Variants in PTPRD observed in about 807,000 individuals in gnomAD.
PTPRD encodes protein tyrosine phosphatase receptor type D.
A neutral mutation model predicts 214.5 loss-of-function variants in PTPRD; 34 were observed. The observed-to-expected ratio is 0.16, with a 90% CI of 0.12 to 0.21. The LOEUF is 0.21. PTPRD is among the 10% of genes least tolerant of loss of function. PTPRD has a pLI of 1.00. For synonymous variants in PTPRD, 1,128 were observed against 845.7 expected (o/e 1.33, Z -5.79); for missense variants, 2,545 against 2,398.7 (o/e 1.06, Z -1.27).
At chr9:8,620,516 G>A (rs928809974) in intron 14 of PTPRD, among the ~76,000 whole-genome samples, 1 of 152,104 alleles carries the variant, frequency 6.6e-6, no homozygotes, top group Admixed American at 6.6e-5. Context: ...ATCAGTGATG[G>A]TGGTGGTGGT....
chr9:9,117,115 A>C (rs1194914009), intron 10 of PTPRD, among the ~76,000 whole-genome samples: 2 of 152,158 alleles, frequency 1.3e-5, no homozygotes, highest in African/African-American at 4.8e-5. Context: ...GACACTGAAT[A>C]GAAACTCTGA....
At chr9:9,981,720 AGAAATAGAAGTAATGAT>A (rs2095550583) in intron 4 of PTPRD, among the ~76,000 whole-genome samples, 1 of 152,150 alleles carries the variant, frequency 6.6e-6, no homozygotes, top group Admixed American at 6.5e-5. Context: ...ATGGGGAAAA[AGAAATAGAAGTAATGAT>A]CAGGAATGTG....
intron 7 of PTPRD, among the ~76,000 whole-genome samples, chr9:9,606,554 C>T (rs1046673804): frequency 1.2e-4 from 19 of 152,006 alleles, no homozygotes; most frequent in African/African-American, 4.6e-4. Context: ...ATCTGGCAAT[C>T]TTGGCAGAAA....
At position 10,150,432 on chromosome 9, in the gene PTPRD, G is replaced by T. The variant is rs1194785287; in HGVS notation, c.-544-116642C>A. Among the ~76,000 whole-genome samples the T allele has an allele frequency of 2.0e-5, 3 of 151,948 alleles. No homozygotes were observed. In the East Asian group the frequency reaches 5.8e-4, roughly 29 times the overall value. ...AGAAACAGAAAATCAAACACTGAAT[G>T]TTCTCACTCATAGGTGGGAATTGAA... is the stretch of plus-strand genomic sequence containing the variant. On this transcript the variant is annotated intron_variant, in intron 3 of 45. Coordinates refer to ENST00000381196, the MANE Select transcript of PTPRD (RefSeq NM_002839.4).
intron 3 of PTPRD, among the ~76,000 whole-genome samples, chr9:10,118,924 G>C (rs551429395): frequency 1.4e-5 from 2 of 146,690 alleles, no homozygotes; most frequent in South Asian, 2.3e-4. Flanking sequence ...TGAAGGAAGA[G>C]GGCATATTTA....
intron 11 of PTPRD, among the ~76,000 whole-genome samples, chr9:8,832,119 T>C (rs1418356640): frequency 6.6e-6 from 1 of 151,886 alleles, no homozygotes; most frequent in East Asian, 1.9e-4. Context: ...TGTGTGTGTG[T>C]GTGTGTGTGT....
intron 18 of PTPRD, among the ~76,000 whole-genome samples, chr9:8,524,084 A>G (rs971565741): frequency 1.3e-5 from 2 of 152,076 alleles, no homozygotes; most frequent in African/African-American, 2.4e-5. Context: ...ACTGGATAAA[A>G]AAAACTACAG....
intron 3 of PTPRD, among the ~76,000 whole-genome samples, chr9:10,297,959 C>T (rs190793555): frequency 2.2e-4 from 33 of 152,118 alleles, no homozygotes; most frequent in Admixed American, 3.3e-4. Flanking sequence ...TAAAGCAACA[C>T]GTCTAAGGAA....
chr9:10,271,218 A>G (rs2094400111), intron 3 of PTPRD, among the ~76,000 whole-genome samples: 1 of 152,190 alleles, frequency 6.6e-6, no homozygotes, highest in Non-Finnish European at 1.5e-5. Flanking sequence ...AATATTTACT[A>G]TTTTAAATTC....
intron 44 of PTPRD, among the ~76,000 whole-genome samples, chr9:8,324,347 G>A (rs78149957): frequency 6.6e-5 from 10 of 152,004 alleles, no homozygotes; most frequent in South Asian, 2.1e-4. Flanking sequence ...GAGAATATGC[G>A]GCGTTTGATT....
At chr9:10,275,859 G>A (rs1011196449) in intron 3 of PTPRD, among the ~76,000 whole-genome samples, 1 of 152,144 alleles carries the variant, frequency 6.6e-6, no homozygotes, top group Non-Finnish European at 1.5e-5. Context: ...ATCCCTGAGG[G>A]ACATGAAATG....
chr9:8,567,722 T>C (rs1401626944), intron 14 of PTPRD, among the ~76,000 whole-genome samples: 1 of 152,238 alleles, frequency 6.6e-6, no homozygotes, highest in African/African-American at 2.4e-5. Context: ...CCTCAATGAA[T>C]GAATGAATCA....
intron 12 of PTPRD, among the ~76,000 whole-genome samples, chr9:8,678,308 A>G (rs1035696078): frequency 6.6e-6 from 1 of 152,262 alleles, no homozygotes; most frequent in African/African-American, 2.4e-5. Context: ...AATGTCAACT[A>G]TTTGACCTTT....
At position 9,106,635 on chromosome 9, in the gene PTPRD, A is replaced by AAG. The variant is rs1554793219; in HGVS notation, c.-143+76668_-143+76669insCT. Among the ~76,000 whole-genome samples, 880 of 145,314 alleles carry AAG rather than the reference A, an allele frequency of 6.1e-3. 3 individuals are homozygous for AAG. Among genetic ancestry groups the AAG allele is most frequent in the South Asian group, 0.016 (72 of 4,464 alleles). The stretch of plus-strand genomic sequence containing the variant: ...GGCAAAAAAAAAAAAAAAAAAAAAA[A>AAG]GGTTTCATCTGCAGGCTCCTACCTA... On this transcript the variant is annotated intron_variant, in intron 10 of 45. Transcript: ENST00000381196.
intron 3 of PTPRD, among the ~76,000 whole-genome samples, chr9:10,057,091 C>A (rs1252608971): frequency 1.3e-5 from 2 of 152,060 alleles, no homozygotes; most frequent in Non-Finnish European, 2.9e-5. Context: ...CATCTTATTC[C>A]CCAAATATCT....
At chr9:9,319,632 A>G (rs1487967084) in intron 9 of PTPRD, among the ~76,000 whole-genome samples, 1 of 152,204 alleles carries the variant, frequency 6.6e-6, no homozygotes, top group Non-Finnish European at 1.5e-5. Context: ...AGTGTATAGT[A>G]GAATCTAAAC....
chr9:10,587,057 T>C (rs1436871250), intron 2 of PTPRD, among the ~76,000 whole-genome samples: 2 of 152,050 alleles, frequency 1.3e-5, no homozygotes. Context: ...AATTTCATGG[T>C]GATATTTATC....
intron 2 of PTPRD, among the ~76,000 whole-genome samples, chr9:10,399,100 C>G (rs1459648606): frequency 1.3e-5 from 2 of 151,856 alleles, no homozygotes; most frequent in African/African-American, 4.8e-5. Flanking sequence ...GAGATGAGGT[C>G]TTTACTTAAA....
intron 33 of PTPRD, among the ~76,000 whole-genome samples, chr9:8,455,316 T>C (rs561210195): frequency 1.3e-5 from 2 of 152,232 alleles, no homozygotes; most frequent in African/African-American, 2.4e-5. Flanking sequence ...TGACAGAACA[T>C]GTATTTTCCT....
Sources: gnomAD v4.1 joint callset for allele counts (sites outside exome capture counted in the v4.1 genomes callset) on GRCh38, gnomAD v4.1.1 for gene constraint, MANE v1.5 for transcripts, NCBI Gene and HGNC (gene_info 2026-07-23, HGNC 2026-07-21) for gene names.